Variants in FAM184B observed in about 807,000 individuals in gnomAD.
FAM184B encodes the protein family with sequence similarity 184 member B.
In FAM184B, 111 loss-of-function variants were observed where a neutral mutation model predicts 135.9. That is an observed-to-expected ratio of 0.82 (90% CI 0.70 to 0.96). The LOEUF is 0.96. Ranked by LOEUF, FAM184B falls within the 40% of genes least tolerant of loss-of-function variation. The probability of loss-of-function intolerance (pLI) is 0.00; values close to 1 mark genes in which losing one functional copy is unlikely to be tolerated. For synonymous variants in FAM184B, 552 were observed against 524.8 expected, an observed-to-expected ratio of 1.05 and a Z score of -0.71; for missense variants, 1,375 against 1,323.9, an observed-to-expected ratio of 1.04 and a Z score of -0.60.
chr4:17,740,712 T>C (rs1406545209), intron 1 of FAM184B, among the ~76,000 whole-genome samples: 2 of 152,212 alleles, frequency 1.3e-5, no homozygotes, highest in African/African-American at 4.8e-5. Context: ...GGTTTTGGGA[T>C]TATACTTATC....
intron 8 of FAM184B, among the ~76,000 whole-genome samples, chr4:17,662,870 A>G (rs1715951525): frequency 6.6e-6 from 1 of 152,124 alleles, no homozygotes; most frequent in South Asian, 2.1e-4. Context: ...TGTGGTGGTA[A>G]GTTGCATTTC....
At chr4:17,691,333 T>G (rs927717255) in intron 6 of FAM184B, among the ~76,000 whole-genome samples, 7 of 152,322 alleles carry the variant, frequency 4.6e-5, no homozygotes, top group Middle Eastern at 3.4e-3. Flanking sequence ...TGTAAACTTC[T>G]TAGATAGTAT....
chr4:17,747,920 C>CAAAAAA lies in FAM184B; in HGVS notation c.141+33233_141+33238dup, dbSNP rs71167333. ...TGGGCGACAGAGCGAGACTCTGTCT[C>CAAAAAA]AAAAAAAAAAAAAAAAAAAAAAAAA... On this transcript the variant is annotated intron_variant, in intron 1 of 17. Coordinates refer to ENST00000265018, the MANE Select transcript of FAM184B (RefSeq NM_015688.2). 1.5e-3 allele frequency among the ~76,000 whole-genome samples: 33 copies of CAAAAAA among 21,702 alleles called. 1 individual carries two copies. The highest frequency in any genetic ancestry group is 6.0e-3 in the African/African-American group (31 of 5,168). The allele number at this position is 21,702 out of a possible 152,430, so 14.2% of individuals were successfully genotyped here. A position where few individuals can be genotyped will look rare whatever the true frequency, so the allele number is the denominator to read the frequency against.
At chr4:17,634,586 A>G (rs1281256058) in intron 16 of FAM184B, among the ~76,000 whole-genome samples, 1 of 152,212 alleles carries the variant, frequency 6.6e-6, no homozygotes, top group East Asian at 1.9e-4. Flanking sequence ...GGCCTCCCAA[A>G]GTGCTGGGAT....
At chr4:17,728,878 T>C (rs960146625) in intron 1 of FAM184B, among the ~76,000 whole-genome samples, 2 of 152,112 alleles carry the variant, frequency 1.3e-5, no homozygotes, top group African/African-American at 4.8e-5. Flanking sequence ...TTCATCTCAC[T>C]AGGGAGTGCC....
At position 17,734,247 on chromosome 4, in the gene FAM184B, A is replaced by T. The variant is rs1304027717; in HGVS notation, c.142-24603T>A. 1.0e-3 allele frequency among the ~76,000 whole-genome samples: 154 copies of T among 152,298 alleles called. No homozygotes were observed. In the Middle Eastern group the frequency reaches 0.01, roughly 10 times the overall value. ...AAAACCCTAGAAGAAAACCTAGGCA[A>T]TACCATTCATGACATAGGCATGGGC... On this transcript the variant is annotated intron_variant, in intron 1 of 17. Coordinates refer to ENST00000265018, the MANE Select transcript of FAM184B (RefSeq NM_015688.2).
At chr4:17,697,315 T>A (rs1231458391) in intron 5 of FAM184B, among the ~76,000 whole-genome samples, 3 of 152,208 alleles carry the variant, frequency 2.0e-5, no homozygotes, top group Admixed American at 2.0e-4. Flanking sequence ...GCATGATACC[T>A]TTATACTTCC....
intron 7 of FAM184B, among the ~76,000 whole-genome samples, chr4:17,687,659 A>G (rs1207383747): frequency 6.6e-6 from 1 of 152,220 alleles, no homozygotes; most frequent in Non-Finnish European, 1.5e-5. Context: ...ACAAAGACTC[A>G]GAGACAAGGG....
chr4:17,735,099 C>T (rs1717875716), intron 1 of FAM184B, among the ~76,000 whole-genome samples: 1 of 151,024 alleles, frequency 6.6e-6, no homozygotes, highest in African/African-American at 2.4e-5. Flanking sequence ...CCAAACACCA[C>T]ATGTTCTCAC....
At chr4:17,697,339 C>A (rs1359580259) in intron 5 of FAM184B, among the ~76,000 whole-genome samples, 1 of 152,126 alleles carries the variant, frequency 6.6e-6, no homozygotes, top group African/African-American at 2.4e-5. Flanking sequence ...GGGGCCAAGC[C>A]CAGCCTAGGC....
At chr4:17,722,399 G>A (rs1210019525) in intron 1 of FAM184B, among the ~76,000 whole-genome samples, 1 of 152,172 alleles carries the variant, frequency 6.6e-6, no homozygotes, top group Non-Finnish European at 1.5e-5. Context: ...GCTCAAACAG[G>A]TCCCCAACAA....
intron 1 of FAM184B, among the ~76,000 whole-genome samples, chr4:17,710,336 A>G (rs578127900): frequency 6.6e-6 from 1 of 152,068 alleles, no homozygotes; most frequent in African/African-American, 2.4e-5. Context: ...AAAAACAAAC[A>G]AACAAACAAA....
intron 5 of FAM184B, among the ~76,000 whole-genome samples, chr4:17,703,926 T>C (rs963178523): frequency 3.5e-5 from 3 of 84,598 alleles, no homozygotes; most frequent in Non-Finnish European, 1.0e-4. Context: ...CAAGACTCCG[T>C]TTCAAAAAAA....
chr4:17,730,679 C>T (rs1717755559), intron 1 of FAM184B, among the ~76,000 whole-genome samples: 1 of 152,116 alleles, frequency 6.6e-6, no homozygotes, highest in Admixed American at 6.6e-5. Flanking sequence ...AAGCAGAGCG[C>T]CTCTCCTCCT....
chr4:17,780,439 G>A (rs1045779449), intron 1 of FAM184B, among the ~76,000 whole-genome samples: 15 of 152,272 alleles, frequency 9.9e-5, no homozygotes, highest in African/African-American at 3.4e-4. Flanking sequence ...CTGTGACAAG[G>A]AGCTTCTAAT....
intron 17 of FAM184B, chr4:17,633,475 CTG>C (rs918509073): frequency 8.8e-6 from 4 of 452,148 alleles, no homozygotes; most frequent in African/African-American, 8.0e-5. Flanking sequence ...ATGAGGAAGA[CTG>C]TAATTTGAAT....
intron 2 of FAM184B, 53 bp from the exon 3 acceptor site, chr4:17,707,837 A>C: frequency 6.5e-7 from 1 of 1,546,506 alleles, no homozygotes; most frequent in Non-Finnish European, 8.7e-7. Flanking sequence ...GTATAGAGAC[A>C]TCCTGTGTAC....
At chr4:17,685,558 C>CAA (rs11350244) in intron 7 of FAM184B, among the ~76,000 whole-genome samples, 32,401 of 86,450 alleles carry the variant, frequency 0.37, 5,568 homozygotes, top group Non-Finnish European at 0.4. Context: ...GACTCTGTCT[C>CAA]AAAAAAAAAA....
At chr4:17,775,311 G>A (rs1310686472) in intron 1 of FAM184B, among the ~76,000 whole-genome samples, 7 of 152,002 alleles carry the variant, frequency 4.6e-5, no homozygotes, top group African/African-American at 1.2e-4. Context: ...TCAGCCTCCC[G>A]AGTAGCTGGG....
Sources: gnomAD v4.1 joint callset for allele counts (sites outside exome capture counted in the v4.1 genomes callset) on GRCh38, gnomAD v4.1.1 for gene constraint, MANE v1.5 for transcripts, NCBI Gene and HGNC (gene_info 2026-07-23, HGNC 2026-07-21) for gene names.